The following PCDHGA5 variants were observed in gnomAD, a reference collection of about 807,000 sequenced individuals.
PCDHGA5 encodes the protein protocadherin gamma-A5.
PCDHGA5 carries 36 observed loss-of-function variants against 56.7 expected under a neutral mutation model. The ratio of observed to expected loss-of-function variants is 0.64; its 90% CI spans 0.49 to 0.84. The LOEUF is 0.84. Among genes scored for constraint, PCDHGA5 ranks in the 40% least tolerant of loss-of-function variants. PCDHGA5 has a pLI of 0.00. For synonymous variants in PCDHGA5, 563 were observed against 520.2 expected (o/e 1.08, Z -1.12); for missense variants, 1,305 against 1,201.5 (o/e 1.09, Z -1.27).
At chr5:141,427,952 T>C (rs1311471634) in intron 1 of PCDHGA5, 38 of 1,587,018 alleles carry the variant, frequency 2.4e-5, no homozygotes, top group Non-Finnish European at 2.8e-5. Flanking sequence ...TCAATGACAA[T>C]GTGCCGCGGG....
rs746906389 is a variant in PCDHGA5 at position 141,384,782 on chromosome 5, C to T, written c.2421+18031C>T. The T allele has an allele frequency of 5.0e-6, 8 of 1,613,640 alleles. No individual in the cohort carries two copies. The highest frequency in any genetic ancestry group is 5.9e-6 in the Non-Finnish European group (7 of 1,179,944). On this transcript the variant is annotated intron_variant, in intron 1 of 3. Transcript: ENST00000518069. The stretch of plus-strand genomic sequence containing the variant: ...GGGCTGTACACGGGCGAGGTGCGCA[C>T]GGCTCGGGCCCTGCTGGACAGAGAT...
At position 141,511,542 on chromosome 5, in the gene PCDHGA5, A is replaced by C; in HGVS notation, c.*369A>C. The stretch of plus-strand genomic sequence containing the variant: ...CCCATGCCTCCCTCCTCCCCACCCC[A>C]CTCCAACAGTTCCTCTTTCCCGAGT... On this transcript the variant is annotated 3_prime_UTR_variant, in exon 4 of 4. Coordinates refer to ENST00000518069, the MANE Select transcript of PCDHGA5 (RefSeq NM_018918.3). 6.6e-6 allele frequency: 2 copies of C among 302,184 alleles called. No homozygotes were observed. The highest frequency in any genetic ancestry group is 3.7e-5 in the South Asian group (1 of 26,678). The allele number at this position is 302,184 out of a possible 1,614,324, so 18.7% of individuals were successfully genotyped here. A position where few individuals can be genotyped will look rare whatever the true frequency, so the allele number is the denominator to read the frequency against.
intron 1 of PCDHGA5, among the ~76,000 whole-genome samples, chr5:141,406,450 G>T (rs2094811564): frequency 6.6e-6 from 1 of 152,194 alleles, no homozygotes; most frequent in South Asian, 2.1e-4. Flanking sequence ...CCATTTCTAT[G>T]ACAGGAAAAC....
intron 1 of PCDHGA5, chr5:141,383,629 C>G: frequency 6.2e-7 from 1 of 1,613,960 alleles, no homozygotes; most frequent in Non-Finnish European, 8.5e-7. Context: ...TGTCTTCTCT[C>G]TGCCTCAGTA....
At chr5:141,471,078 T>C (rs1370939177) in intron 1 of PCDHGA5, among the ~76,000 whole-genome samples, 1 of 142,250 alleles carries the variant, frequency 7.0e-6, no homozygotes, top group Non-Finnish European at 1.5e-5. Context: ...AGACAGGGTC[T>C]CCCTCTGTTG....
intron 1 of PCDHGA5, among the ~76,000 whole-genome samples, chr5:141,465,159 A>C (rs1333891587): frequency 6.6e-6 from 1 of 151,952 alleles, no homozygotes; most frequent in East Asian, 1.9e-4. Flanking sequence ...AGGGACTCTA[A>C]ATGTTTATGA....
chr5:141,379,520 C>T (rs1262594059), intron 1 of PCDHGA5: 1 of 152,194 alleles, frequency 6.6e-6, no homozygotes, highest in East Asian at 1.9e-4. Context: ...ACATCTTGAG[C>T]ATTTGTTGTT....
rs202040451 is a variant in PCDHGA5, at chr5:141,382,987, C to A, written c.2421+16236C>A. The A allele has an allele frequency of 1.5e-4, 247 of 1,613,278 alleles. 1 individual carries two copies. The East Asian group carries it at 4.5e-3, about 30-fold the overall frequency. On this transcript the variant is annotated intron_variant, in intron 1 of 3. Transcript: ENST00000518069. ...GACCCCCTGGGAAGCCTGGGCAGGA[C>A]GTATTCTCTACTCCGTGTCGGAGGA...
rs562410567 is a variant in PCDHGA5 at position 141,413,096 on chromosome 5, G to A, written c.2421+46345G>A. On this transcript the variant is annotated intron_variant, in intron 1 of 3. Transcript: ENST00000518069. ...GCCCAGGCTACAGAGACACCCTGAA[G>A]CCACAGAAAGACAAAGGAACCGGTT... 25 of 1,445,574 alleles carry A rather than the reference G, an allele frequency of 1.7e-5. No homozygotes were observed. The African/African-American group carries it at 3.3e-4, about 19-fold the overall frequency. The allele number at this position is 1,445,574 out of a possible 1,614,324, so 89.5% of individuals were successfully genotyped here.
intron 1 of PCDHGA5, chr5:141,379,485 T>TA (rs755973263): frequency 2.0e-5 from 3 of 152,260 alleles, no homozygotes; most frequent in Non-Finnish European, 4.4e-5. Flanking sequence ...TATTTTACTA[T>TA]ACTACCAATT....
chr5:141,395,317 A>G, intron 1 of PCDHGA5: 1 of 1,488,840 alleles, frequency 6.7e-7, no homozygotes, highest in Non-Finnish European at 9.0e-7. Flanking sequence ...AACATTGTGA[A>G]GATAGTTGAA....
In PCDHGA5 at chr5:141,383,199, G is replaced by A. The variant is rs574670513; in HGVS notation, c.2421+16448G>A. The stretch of plus-strand genomic sequence containing the variant: ...GGGAAGAGATCTGCGCTCAGAGTGC[G>A]CGGTGTCTGGTAAACTTTAACATCC... On this transcript the variant is annotated intron_variant, in intron 1 of 3. Transcript: ENST00000518069. 6.2e-6 allele frequency: 10 copies of A among 1,614,040 alleles called. No homozygotes were observed. The East Asian group carries it at 1.8e-4, about 29-fold the overall frequency.
intron 1 of PCDHGA5, chr5:141,371,159 G>A: frequency 6.2e-7 from 1 of 1,614,024 alleles, no homozygotes; most frequent in Non-Finnish European, 8.5e-7. Flanking sequence ...CAGAGAACCT[G>A]CCCGCTGGCT....
intron 1 of PCDHGA5, chr5:141,372,352 C>T (rs1300220406): frequency 6.2e-7 from 1 of 1,613,912 alleles, no homozygotes; most frequent in South Asian, 1.1e-5. Flanking sequence ...GGACAGCAGC[C>T]TCTTTCAGCC....
intron 1 of PCDHGA5, chr5:141,422,532 A>G (rs752364905): frequency 6.2e-7 from 1 of 1,614,030 alleles, no homozygotes; most frequent in South Asian, 1.1e-5. Flanking sequence ...CTTTGTCTGC[A>G]GAAACTCATG....
At chr5:141,451,712 C>G (rs769620335) in intron 1 of PCDHGA5, among the ~76,000 whole-genome samples, 2 of 151,994 alleles carry the variant, frequency 1.3e-5, no homozygotes, top group African/African-American at 4.8e-5. Context: ...CAAAACCCTG[C>G]CTCTACTAAA....
intron 1 of PCDHGA5, chr5:141,372,273 C>G (rs201775561): frequency 6.2e-7 from 1 of 1,613,108 alleles, no homozygotes; most frequent in Non-Finnish European, 8.5e-7. Flanking sequence ...GGGTGAGGTG[C>G]GCACGGCGCG....
rs755897877 is a variant in PCDHGA5, at chr5:141,364,442, G to C, written c.112G>C (p.Glu38Gln). 2.5e-6 allele frequency: 4 copies of C among 1,613,950 alleles called. No individual in the cohort carries two copies. Among genetic ancestry groups the C allele is most frequent in the Non-Finnish European group, 1.7e-6 (2 of 1,179,852 alleles). The change falls in exon 1 of 4, where the codon GAG becomes CAG. Residue 38 changes from glutamate to glutamine, a missense_variant. Transcript: ENST00000518069. ...GCAGATCCGCTACTCGATGCCGGAG[G>C]AGCTGGACAAAGGCTCCTTCGTCGG... is the stretch of plus-strand genomic sequence containing the variant. ...SGQIRYSMPE[E>Q]LDKGSFVGNI...
At chr5:141,405,407 CT>C (rs762612492) in intron 1 of PCDHGA5, 3 of 1,582,042 alleles carry the variant, frequency 1.9e-6, no homozygotes, top group South Asian at 1.1e-5. Context: ...TCTTTCTTTT[CT>C]TTTTTTGTTT....
Sources: gnomAD v4.1 joint callset for allele counts (sites outside exome capture counted in the v4.1 genomes callset) on GRCh38, gnomAD v4.1.1 for gene constraint, MANE v1.5 for transcripts, NCBI Gene and HGNC (gene_info 2026-07-23, HGNC 2026-07-21) for gene names.